The following SLC10A4 variants were observed in gnomAD, a reference collection of about 807,000 sequenced individuals.
The protein encoded by SLC10A4 is solute carrier family 10 member 4.
SLC10A4 carries 17 observed loss-of-function variants against 22.5 expected under a neutral mutation model. The observed-to-expected ratio is 0.76, with a 90% CI of 0.52 to 1.14. The LOEUF is 1.14. Ranked by LOEUF, SLC10A4 falls within the 50% of genes most tolerant of loss-of-function variation. The pLI is 0.00. For synonymous variants in SLC10A4, 257 were observed against 258.2 expected (o/e 1.00, Z 0.04); for missense variants, 548 against 584.0 (o/e 0.94, Z 0.64).
chr4:48,486,908 A>G (rs1272109384), intron 2 of SLC10A4, among the ~76,000 whole-genome samples: 6 of 152,200 alleles, frequency 3.9e-5, no homozygotes, highest in African/African-American at 1.4e-4. Context: ...TAAATTTTAA[A>G]TAATTTTTTA....
Position 48,484,829 on chromosome 4 carries a change from T to C in SLC10A4, c.591-103T>C, listed in dbSNP as rs114100599. 2,061 of 1,096,616 alleles carry C rather than the reference T, an allele frequency of 1.9e-3. 23 individuals are homozygous for C. In the African/African-American group the frequency reaches 0.027, roughly 14 times the overall value. The allele number at this position is 1,096,616 out of a possible 1,614,324, so 67.9% of individuals were successfully genotyped here. On this transcript the variant is annotated intron_variant, in intron 1 of 2. Transcript: ENST00000273861. Reference sequence around the variant, plus strand: ...TCTGCCCAGACTTCAACCCCGGGACTTGCAGTCTCCCCGTTCCACCTCTAC... The same window carrying C: ...TCTGCCCAGACTTCAACCCCGGGACCTGCAGTCTCCCCGTTCCACCTCTAC...
Position 48,488,694 on chromosome 4 carries a change from A to G in SLC10A4, c.1069A>G (p.Ile357Val). ...AAAACTGGCCTTTCCACCGCAATTC[A>G]TAGGAAGCATGTACATGTTTCCTTT... Reference protein sequence around the residue: ...ILKLAFPPQFIGSMYMFPLLY... With the variant: ...ILKLAFPPQFVGSMYMFPLLY... The change falls in exon 3 of 3, where the codon ATA (isoleucine) becomes GTA (valine). Residue 357 changes from isoleucine to valine, a missense_variant. Ile to Val is a conservative substitution (Grantham distance 29, BLOSUM62 3). Coordinates refer to ENST00000273861, the MANE Select transcript of SLC10A4 (RefSeq NM_152679.4). 3 of 1,614,076 alleles carry G rather than the reference A, an allele frequency of 1.9e-6. No homozygotes were observed. Among genetic ancestry groups the G allele is most frequent in the Non-Finnish European group, 2.5e-6 (3 of 1,180,040 alleles).
Position 48,483,504 on chromosome 4 carries a change from CG to C in SLC10A4, c.-55del. 5 of 1,389,820 alleles carry C rather than the reference CG, an allele frequency of 3.6e-6. No individual in the cohort carries two copies. In the South Asian group the frequency reaches 5.6e-5, roughly 15 times the overall value. The allele number at this position is 1,389,820 out of a possible 1,614,324, so 86.1% of individuals were successfully genotyped here. A position where few individuals can be genotyped will look rare whatever the true frequency, so the allele number is the denominator to read the frequency against. ...CGACGGGCGGCGACTGCGGCGACCGCGGGACGGCGAGAGGCACGCGGCGGGA... is the reference window on the plus strand; with the variant it reads ...CGACGGGCGGCGACTGCGGCGACCGCGGACGGCGAGAGGCACGCGGCGGGA... On this transcript the variant is annotated 5_prime_UTR_variant, in exon 1 of 3. Coordinates refer to ENST00000273861, the MANE Select transcript of SLC10A4 (RefSeq NM_152679.4). The surrounding 1 kb of genome is among the most constrained non-coding windows in gnomAD (Gnocchi z 5.4).
chr4:48,488,530 T>A lies in SLC10A4; in HGVS notation c.905T>A (p.Val302Glu), dbSNP rs1178170309. ...GCAAGTATCCCTGCAGCTGTTTATG[T>A]GATAGCAATTTTTATGCCTTTGGCA... ...LLASIPAAVY[V>E]IAIFMPLAGY... The change falls in exon 3 of 3, where the codon GTG (valine) becomes GAG (glutamate). Residue 302 changes from valine (V) to glutamate (E), a missense_variant. Coordinates refer to ENST00000273861, the MANE Select transcript of SLC10A4 (RefSeq NM_152679.4). The A allele has an allele frequency of 6.2e-7, 1 of 1,613,956 alleles. No homozygotes were observed. Among genetic ancestry groups the A allele is most frequent in the African/African-American group, 1.3e-5 (1 of 74,936 alleles).
In SLC10A4 at chr4:48,484,013, C is replaced by T. The variant is rs753205598; in HGVS notation, c.452C>T (p.Pro151Leu). ...GCGCTCTGCCAGTTCGGCCTCCTGC[C>T]GCTGCTGGCCTTCCTGCTGGCCCTC... Reference protein sequence around the residue: ...LAALCQFGLLPLLAFLLALAF... With the variant: ...LAALCQFGLLLLLAFLLALAF... Residue 151 changes from proline to leucine, a missense_variant, in exon 1 of 3, where the codon CCG (proline) becomes CTG (leucine). Around this residue, in one of 3 missense-constraint regions of SLC10A4, gnomAD observed 314 missense variants for 353.2 expected, o/e 0.89. Coordinates refer to ENST00000273861, the MANE Select transcript of SLC10A4 (RefSeq NM_152679.4). 1.1e-5 allele frequency: 17 copies of T among 1,588,348 alleles called. No individual in the cohort carries two copies. The highest frequency in any genetic ancestry group is 1.7e-5 in the Admixed American group (1 of 57,744).
chr4:48,484,250 A>G, intron 1 of SLC10A4, 99 bp downstream of exon 1: 1 of 1,240,442 alleles, frequency 8.1e-7, no homozygotes, highest in African/African-American at 1.5e-5. Flanking sequence ...AGGGGTTGGA[A>G]TTAGGCGTGG....
At position 48,488,914 on chromosome 4, in the gene SLC10A4, T is replaced by C; in HGVS notation, c.1289T>C (p.Met430Thr). The change falls in exon 3 of 3, where the codon ATG becomes ACG. Residue 430 changes from methionine (M) to threonine (T), a missense_variant. Transcript: ENST00000273861. Reference protein sequence around the residue: ...GTVKAENIIMMETAQTSL With the variant: ...GTVKAENIIMTETAQTSL ...GTGAAAGCAGAAAATATAATAATGA[T>C]GGAAACCGCTCAGACTTCTCTCTAA... 1 of 1,603,384 alleles carries C rather than the reference T, an allele frequency of 6.2e-7. No individual in the cohort carries two copies. Among genetic ancestry groups the C allele is most frequent in the Non-Finnish European group, 8.5e-7 (1 of 1,176,992 alleles).
Position 48,488,872 on chromosome 4 carries a change from A to G in SLC10A4, c.1247A>G (p.Asp416Gly). 6.2e-7 allele frequency: 1 copy of G among 1,613,448 alleles called. No homozygotes were observed. Residue 416 changes from aspartate to glycine, a missense_variant, in exon 3 of 3, where the codon GAC becomes GGC. By Grantham distance (94) the Asp-to-Gly change is moderately conservative. Around this residue, in one of 3 missense-constraint regions of SLC10A4, gnomAD observed 314 missense variants for 353.2 expected, o/e 0.89. Transcript: ENST00000273861. ...AAACTAAAAGAAGAGGAAATGGCAG[A>G]CACTTCCTATGGCACAGTGAAAGCA... is the stretch of plus-strand genomic sequence containing the variant. ...YKKLKEEEMA[D>G]TSYGTVKAEN...
rs766463451 is a variant in SLC10A4 at position 48,484,169 on chromosome 4, C to T, written c.590+18C>T. The T allele has an allele frequency of 6.5e-7, 1 of 1,539,078 alleles. No individual in the cohort carries two copies. The highest frequency in any genetic ancestry group is 8.8e-7 in the Non-Finnish European group (1 of 1,140,272). ...AACCTCAGGTACGGATCTGTCTATT[C>T]CTTGGGCATCTGTCTCATCCCAGAC... On this transcript the variant is annotated intron_variant, in intron 1 of 2. Coordinates refer to ENST00000273861, the MANE Select transcript of SLC10A4 (RefSeq NM_152679.4).
chr4:48,487,316 C>T (rs1338811416), intron 2 of SLC10A4, among the ~76,000 whole-genome samples: 2 of 152,190 alleles, frequency 1.3e-5, no homozygotes, highest in Non-Finnish European at 2.9e-5. Flanking sequence ...GAATTCTTCA[C>T]ATATTTATTT....
intron 2 of SLC10A4, among the ~76,000 whole-genome samples, chr4:48,485,906 T>A (rs1718274411): frequency 6.6e-6 from 1 of 152,218 alleles, no homozygotes; most frequent in African/African-American, 2.4e-5. Context: ...ATTTTAATAG[T>A]TTAGTAGATT....
rs1366646502 is a variant in SLC10A4, at chr4:48,483,969, C to G, written c.408C>G (p.Pro136=). The G allele has an allele frequency of 2.6e-6, 4 of 1,551,692 alleles. No individual in the cohort carries two copies. The highest frequency in any genetic ancestry group is 4.7e-5 in the East Asian group (2 of 42,152). The change falls in exon 1 of 3, where the codon CCC becomes CCG. Residue 136 remains proline, a synonymous_variant. Transcript: ENST00000273861. This position sits in a 1 kb window ranked among gnomAD's most constrained non-coding sequence, Gnocchi z 5.4. The part of the protein sequence containing the change: ...VNHFGAHVRR[P]VGALLAALCQ... Reference sequence around the variant, plus strand: ...ACTTCGGGGCGCACGTCCGTCGGCCCGTGGGCGCGCTGCTGGCAGCGCTCT... The same window carrying G: ...ACTTCGGGGCGCACGTCCGTCGGCCGGTGGGCGCGCTGCTGGCAGCGCTCT...
At chr4:48,484,854 C>T in intron 1 of SLC10A4, 78 bp from the exon 2 acceptor site, 1 of 1,390,928 alleles carries the variant, frequency 7.2e-7, no homozygotes, top group Non-Finnish European at 1.0e-6. Context: ...TCCACCTCTA[C>T]TCAACATACA....
Position 48,483,954 on chromosome 4 carries a change from G to T in SLC10A4, c.393G>T (p.Ala131=), listed in dbSNP as rs1425264154. 5 of 1,544,724 alleles carry T rather than the reference G, an allele frequency of 3.2e-6. No homozygotes were observed. Among genetic ancestry groups the T allele is most frequent in the Middle Eastern group, 3.6e-4 (2 of 5,530 alleles). The change falls in exon 1 of 3, where the codon GCG becomes GCT. Residue 131 remains alanine (A), a synonymous_variant. Coordinates refer to ENST00000273861, the MANE Select transcript of SLC10A4 (RefSeq NM_152679.4). This position sits in a 1 kb window ranked among gnomAD's most constrained non-coding sequence, Gnocchi z 5.4. ...GCTVDVNHFG[A]HVRRPVGALL... ...CGGTGGACGTGAACCACTTCGGGGCGCACGTCCGTCGGCCCGTGGGCGCGC... is the reference window on the plus strand; with the variant it reads ...CGGTGGACGTGAACCACTTCGGGGCTCACGTCCGTCGGCCCGTGGGCGCGC...
chr4:48,485,256 T>C, intron 2 of SLC10A4, 114 bp downstream of exon 2: 1 of 1,056,632 alleles, frequency 9.5e-7, no homozygotes, highest in East Asian at 2.5e-5. Flanking sequence ...GACTTGGAAG[T>C]AGTTGCATGG....
chr4:48,488,669 A>G lies in SLC10A4; in HGVS notation c.1044A>G (p.Leu348=). 4 of 1,614,114 alleles carry G rather than the reference A, an allele frequency of 2.5e-6. No individual in the cohort carries two copies. Among genetic ancestry groups the G allele is most frequent in the Non-Finnish European group, 2.5e-6 (3 of 1,180,050 alleles). ...SQNVQLCTAI[L]KLAFPPQFIG... ...ATGTGCAGCTCTGTACAGCCATTCT[A>G]AAACTGGCCTTTCCACCGCAATTCA... Residue 348 remains leucine (L), a synonymous_variant, in exon 3 of 3, where the codon CTA becomes CTG. Transcript: ENST00000273861.
chr4:48,486,705 A>AG (rs1488138254), intron 2 of SLC10A4, among the ~76,000 whole-genome samples: 1 of 152,078 alleles, frequency 6.6e-6, no homozygotes, highest in African/African-American at 2.4e-5. Context: ...AATAGTTCTA[A>AG]GGGACTTTGG....
In SLC10A4 at chr4:48,488,777, G is replaced by A. The variant is rs779121646; in HGVS notation, c.1152G>A (p.Met384Ile). 7 of 1,613,920 alleles carry A rather than the reference G, an allele frequency of 4.3e-6. No homozygotes were observed. Among genetic ancestry groups the A allele is most frequent in the Admixed American group, 1.7e-5 (1 of 60,008 alleles). The change falls in exon 3 of 3, where the codon ATG becomes ATA. Residue 384 changes from methionine (M) to isoleucine (I), a missense_variant. By Grantham distance (10) the Met-to-Ile change is conservative. Transcript: ENST00000273861. ...EAGIFVLIYK[M>I]YGSEMLHKRD... ...GGATTTTTGTTTTAATCTATAAAAT[G>A]TATGGAAGTGAAATGTTGCACAAGC...
chr4:48,487,520 G>A (rs1432104194), intron 2 of SLC10A4, among the ~76,000 whole-genome samples: 1 of 152,196 alleles, frequency 6.6e-6, no homozygotes, highest in African/African-American at 2.4e-5. Flanking sequence ...TTCAGGGAAA[G>A]TAAACATCCA....
Sources: gnomAD v4.1 joint callset for allele counts (sites outside exome capture counted in the v4.1 genomes callset) on GRCh38, gnomAD v4.1.1 for gene constraint, gnomAD v4.1.1 regional missense constraint, Gnocchi (gnomAD v3.1) non-coding constraint, MANE v1.5 for transcripts, NCBI Gene and HGNC (gene_info 2026-07-23, HGNC 2026-07-21) for gene names.